Variants in AGBL1 observed in about 807,000 individuals in gnomAD.
AGBL1 encodes the protein cytosolic carboxypeptidase 4.
A neutral mutation model predicts 118.9 loss-of-function variants in AGBL1; 130 were observed. The ratio of observed to expected loss-of-function variants is 1.09; its 90% confidence interval spans 0.95 to 1.26. The LOEUF (loss-of-function observed/expected upper bound fraction) is 1.26. Ranked by LOEUF, AGBL1 falls within the 50% of genes most tolerant of loss-of-function variation. The pLI is 0.00. For synonymous variants in AGBL1, 555 were observed against 478.9 expected (o/e 1.16, Z -2.08); for missense variants, 1,584 against 1,298.1 (o/e 1.22, Z -3.38).
At chr15:86,931,978 G>A (rs2080612291) in intron 23 of AGBL1, among the ~76,000 whole-genome samples, 1 of 152,196 alleles carries the variant, frequency 6.6e-6, no homozygotes, top group East Asian at 1.9e-4. Context: ...GGTTCTGTTT[G>A]ATATTCTGAA....
intron 22 of AGBL1, among the ~76,000 whole-genome samples, chr15:86,752,696 C>A (rs946162185): frequency 2.0e-5 from 3 of 152,048 alleles, no homozygotes; most frequent in Admixed American, 6.6e-5. Context: ...AGGATGACAG[C>A]CTTCTCCCAC....
intron 22 of AGBL1, among the ~76,000 whole-genome samples, chr15:86,707,956 C>T (rs1357071458): frequency 6.6e-6 from 1 of 152,150 alleles, no homozygotes; most frequent in African/African-American, 2.4e-5. Context: ...AGGTCCAACA[C>T]AGACCACAAT....
At chr15:86,698,633 G>A (rs1397993272) in intron 22 of AGBL1, among the ~76,000 whole-genome samples, 1 of 148,488 alleles carries the variant, frequency 6.7e-6, no homozygotes, top group African/African-American at 2.5e-5. Flanking sequence ...TTTAAAAAGA[G>A]ACCAACAGGA....
intron 1 of AGBL1, among the ~76,000 whole-genome samples, chr15:86,089,544 A>G (rs1338212187): frequency 1.3e-5 from 2 of 152,232 alleles, no homozygotes; most frequent in Non-Finnish European, 2.9e-5. Context: ...CAGATTTCAC[A>G]GACACAGCAT....
intron 1 of AGBL1, among the ~76,000 whole-genome samples, chr15:86,123,213 C>T (rs188285225): frequency 4.9e-4 from 74 of 152,160 alleles, no homozygotes; most frequent in African/African-American, 1.7e-3. Flanking sequence ...TGAGAAAACC[C>T]TGGTCTCCAG....
At chr15:86,504,887 C>A (rs2082957280) in intron 18 of AGBL1, among the ~76,000 whole-genome samples, 1 of 151,666 alleles carries the variant, frequency 6.6e-6, no homozygotes, top group South Asian at 2.1e-4. Flanking sequence ...ATTCTTGTTA[C>A]TGTCTAGTGT....
intron 5 of AGBL1, among the ~76,000 whole-genome samples, chr15:86,182,024 T>C (rs2077559465): frequency 6.6e-6 from 1 of 152,118 alleles, no homozygotes; most frequent in African/African-American, 2.4e-5. Context: ...CTCATCAGTG[T>C]TGGGGATGGA....
Position 86,993,285 on chromosome 15 carries a change from T to A in AGBL1, c.3323+5197T>A, listed in dbSNP as rs896168058. ...GTTTATTCCCAAGGCATTTTGTACA[T>A]CAACTCTTGTTTTCTTCTTTGCCCT... is the stretch of plus-strand genomic sequence containing the variant. On this transcript the variant is annotated intron_variant, in intron 24 of 24. Transcript: ENST00000441037. 4.6e-5 allele frequency among the ~76,000 whole-genome samples: 7 copies of A among 152,206 alleles called. No individual in the cohort carries two copies. The East Asian group carries it at 1.2e-3, about 25-fold the overall frequency.
At chr15:86,102,067 G>A (rs190058539) in intron 1 of AGBL1, among the ~76,000 whole-genome samples, 6 of 148,772 alleles carry the variant, frequency 4.0e-5, no homozygotes, top group Non-Finnish European at 7.4e-5. Flanking sequence ...TTGAGATGGA[G>A]TCTTGCTCTC....
At chr15:86,650,098 A>G (rs2085345505) in intron 21 of AGBL1, among the ~76,000 whole-genome samples, 1 of 152,154 alleles carries the variant, frequency 6.6e-6, no homozygotes, top group African/African-American at 2.4e-5. Flanking sequence ...ATATATATCT[A>G]GTTCTTTTTG....
intron 22 of AGBL1, among the ~76,000 whole-genome samples, chr15:86,781,799 A>G (rs2141309707): frequency 6.6e-6 from 1 of 152,058 alleles, no homozygotes; most frequent in African/African-American, 2.4e-5. Flanking sequence ...TGTTTTTTCC[A>G]CCTCATTTAC....
At chr15:87,026,683 A>G (rs535508817) in intron 24 of AGBL1, among the ~76,000 whole-genome samples, 203 of 151,242 alleles carry the variant, frequency 1.3e-3, no homozygotes, top group African/African-American at 4.7e-3. Context: ...AGATACTTGC[A>G]CACACATGTT....
intron 5 of AGBL1, among the ~76,000 whole-genome samples, chr15:86,171,798 C>T (rs1420771905): frequency 6.6e-6 from 1 of 152,102 alleles, no homozygotes; most frequent in Non-Finnish European, 1.5e-5. Flanking sequence ...CCCAAATGCC[C>T]ACCAATCAAC....
chr15:86,433,858 TC>T (rs1212981169), intron 18 of AGBL1, among the ~76,000 whole-genome samples: 1 of 152,216 alleles, frequency 6.6e-6, no homozygotes, highest in Non-Finnish European at 1.5e-5. Context: ...ATAACTCTCT[TC>T]CTTTCCTTTC....
At chr15:86,709,954 T>C (rs962652160) in intron 22 of AGBL1, among the ~76,000 whole-genome samples, 32 of 152,200 alleles carry the variant, frequency 2.1e-4, no homozygotes, top group African/African-American at 7.2e-4. Context: ...TGTACTCTTT[T>C]TATGTTTATT....
At chr15:86,775,515 C>G (rs2078242310) in intron 22 of AGBL1, among the ~76,000 whole-genome samples, 1 of 152,072 alleles carries the variant, frequency 6.6e-6, no homozygotes, top group Non-Finnish European at 1.5e-5. Context: ...GAAATTCAGG[C>G]AGCCTTGATA....
chr15:86,740,255 C>G (rs372787322), intron 22 of AGBL1, among the ~76,000 whole-genome samples: 18 of 152,272 alleles, frequency 1.2e-4, no homozygotes, highest in Middle Eastern at 3.4e-3. Context: ...TGGGATTGCC[C>G]CAGACCTTTC....
chr15:86,301,142 ACT>A (rs2079737832), intron 17 of AGBL1, among the ~76,000 whole-genome samples: 2 of 152,006 alleles, frequency 1.3e-5, no homozygotes, highest in Non-Finnish European at 2.9e-5. Flanking sequence ...GAAAACAGAA[ACT>A]CAGGCGAACT....
chr15:86,950,754 G>T (rs1341301174), intron 23 of AGBL1, among the ~76,000 whole-genome samples: 4 of 151,780 alleles, frequency 2.6e-5, no homozygotes, highest in African/African-American at 4.8e-5. Context: ...AATTAAAATT[G>T]GACAACAGAT....
Sources: gnomAD v4.1 joint callset for allele counts (sites outside exome capture counted in the v4.1 genomes callset) on GRCh38, gnomAD v4.1.1 for gene constraint, MANE v1.5 for transcripts, NCBI Gene and HGNC (gene_info 2026-07-23, HGNC 2026-07-21) for gene names.